Variants in PRKCE observed in about 807,000 individuals in gnomAD.
The protein encoded by PRKCE is protein kinase C epsilon type.
A neutral mutation model predicts 85.4 loss-of-function variants in PRKCE; 16 were observed. The ratio of observed to expected loss-of-function variants is 0.19; its 90% CI spans 0.13 to 0.28. The LOEUF (loss-of-function observed/expected upper bound fraction) is 0.28. PRKCE is among the 10% of genes least tolerant of loss of function. The probability of loss-of-function intolerance (pLI) is 1.00; values close to 1 mark genes in which losing one functional copy is unlikely to be tolerated. For synonymous variants in PRKCE, 388 were observed against 371.5 expected (o/e 1.04, Z -0.51); for missense variants, 573 against 975.2 (o/e 0.59, Z 5.49).
chr2:45,652,371 T>A lies in PRKCE; in HGVS notation c.271T>A (p.Tyr91Asn). The A allele has an allele frequency of 6.2e-7, 1 of 1,613,444 alleles. No individual in the cohort carries two copies. Among genetic ancestry groups the A allele is most frequent in the Non-Finnish European group, 8.5e-7 (1 of 1,180,032 alleles). ...TGTCTTTCACGATGCCCCCATAGGCTACGACGACTTCGTGGCCAACTGCAC... is the reference window on the plus strand; with the variant it reads ...TGTCTTTCACGATGCCCCCATAGGCAACGACGACTTCGTGGCCAACTGCAC... Reference protein sequence around the residue: ...LAVFHDAPIGYDDFVANCTIQ... With the variant: ...LAVFHDAPIGNDDFVANCTIQ... The change falls in exon 1 of 15, where the codon TAC (tyrosine) becomes AAC (asparagine). Residue 91 changes from tyrosine (Y) to asparagine (N), a missense_variant. This residue lies in a region of PRKCE where 100 missense variants were observed against 177.1 expected (regional missense o/e 0.56). Transcript: ENST00000306156. This position sits in a 1 kb window ranked among gnomAD's most constrained non-coding sequence, Gnocchi z 7.7.
intron 2 of PRKCE, among the ~76,000 whole-genome samples, chr2:45,875,743 T>A (rs1473002011): frequency 6.6e-6 from 1 of 152,204 alleles, no homozygotes; most frequent in Non-Finnish European, 1.5e-5. Flanking sequence ...CACACAAATG[T>A]CAACTAATCT....
intron 1 of PRKCE, among the ~76,000 whole-genome samples, chr2:45,671,944 C>G (rs1676182050): frequency 2.0e-5 from 3 of 151,678 alleles, no homozygotes. Context: ...GCACCTGTGG[C>G]CCCGGCTACT....
At chr2:45,874,924 G>A (rs1351181121) in intron 2 of PRKCE, among the ~76,000 whole-genome samples, 1 of 152,070 alleles carries the variant, frequency 6.6e-6, no homozygotes, top group Non-Finnish European at 1.5e-5. Context: ...CGTCTATTTG[G>A]CCTACATTCC....
chr2:45,762,157 A>T (rs1052559964), intron 1 of PRKCE, among the ~76,000 whole-genome samples: 1 of 152,208 alleles, frequency 6.6e-6, no homozygotes, highest in African/African-American at 2.4e-5. Context: ...ACTCTCATCA[A>T]TGGAAGAGAA....
chr2:45,858,860 G>A (rs1692903048), intron 2 of PRKCE, among the ~76,000 whole-genome samples: 1 of 151,888 alleles, frequency 6.6e-6, no homozygotes, highest in South Asian at 2.1e-4. Context: ...GGCCAACATG[G>A]TGAAACCCCA....
chr2:46,047,535 C>G (rs1417664566), intron 10 of PRKCE, among the ~76,000 whole-genome samples: 1 of 152,172 alleles, frequency 6.6e-6, no homozygotes, highest in African/African-American at 2.4e-5. Context: ...TTGGCACATC[C>G]TGTGTAACTT....
At chr2:45,713,519 C>T (rs1252051091) in intron 1 of PRKCE, among the ~76,000 whole-genome samples, 1 of 151,982 alleles carries the variant, frequency 6.6e-6, no homozygotes, top group Non-Finnish European at 1.5e-5. Context: ...AGTATATGAA[C>T]ATCCGGACCA....
intron 1 of PRKCE, among the ~76,000 whole-genome samples, chr2:45,679,735 G>A (rs1161585454): frequency 3.3e-5 from 5 of 152,108 alleles, no homozygotes; most frequent in African/African-American, 1.2e-4. Flanking sequence ...TGTAGTCTGC[G>A]GGTGTATGTG....
chr2:45,759,385 C>T (rs1346904685), intron 1 of PRKCE, among the ~76,000 whole-genome samples: 3 of 152,194 alleles, frequency 2.0e-5, no homozygotes, highest in Non-Finnish European at 4.4e-5. Context: ...AGGAGCCAGC[C>T]AGATGGCTCC....
chr2:45,817,528 A>C (rs760734347), intron 1 of PRKCE, among the ~76,000 whole-genome samples: 128 of 88,072 alleles, frequency 1.5e-3, no homozygotes, highest in South Asian at 6.2e-3. Context: ...CCCGTCTCTA[A>C]TAAAAATACA....
chr2:45,681,288 C>CAAAAAAAAAAAA (rs10532828), intron 1 of PRKCE, among the ~76,000 whole-genome samples: 1 of 61,774 alleles, frequency 1.6e-5, no homozygotes, highest in African/African-American at 7.7e-5. Context: ...GACTCTGTCT[C>CAAAAAAAAAAAA]AAAAAAAAAA....
In PRKCE at chr2:46,171,240, C is replaced by G. The variant is rs563401065; in HGVS notation, c.2067+11488C>G. 3.3e-5 allele frequency among the ~76,000 whole-genome samples: 5 copies of G among 152,294 alleles called. No individual in the cohort carries two copies. In the East Asian group the frequency reaches 9.6e-4, roughly 29 times the overall value. ...CTGTCTCCTCCTAAGGCTCTTTATT[C>G]CTGGATAGCCACACAGCATTTTCTA... On this transcript the variant is annotated intron_variant, in intron 14 of 14. Transcript: ENST00000306156.
At chr2:46,095,305 C>G (rs1366357180) in intron 11 of PRKCE, among the ~76,000 whole-genome samples, 1 of 152,158 alleles carries the variant, frequency 6.6e-6, no homozygotes, top group Admixed American at 6.5e-5. Flanking sequence ...TCGCAGGAAC[C>G]AAGTGAAGCC....
intron 1 of PRKCE, among the ~76,000 whole-genome samples, chr2:45,734,398 A>C (rs1205822317): frequency 2.0e-5 from 3 of 152,042 alleles, no homozygotes; most frequent in African/African-American, 7.2e-5. Flanking sequence ...TCTGAAATTC[A>C]GTTCCATGTC....
intron 1 of PRKCE, chr2:45,685,446 T>C (rs1438310461): frequency 6.6e-6 from 1 of 152,208 alleles, no homozygotes; most frequent in Non-Finnish European, 1.5e-5. Flanking sequence ...AGAGATTCAA[T>C]TGCTGTTATT....
chr2:45,877,333 C>G (rs1465420520), intron 2 of PRKCE, among the ~76,000 whole-genome samples: 3 of 152,090 alleles, frequency 2.0e-5, no homozygotes, highest in Admixed American at 2.0e-4. Context: ...GTTCAGTGGA[C>G]TTTTAAACTT....
chr2:45,976,129 CAGCTGTAGCCTGTGTGGGGAGGA>C (rs1225733813), intron 2 of PRKCE, among the ~76,000 whole-genome samples: 6 of 152,204 alleles, frequency 3.9e-5, no homozygotes, highest in African/African-American at 1.4e-4. Context: ...CCCTTGAAAC[CAGCTGTAGCCTGTGTGGGGAGGA>C]AAGGGCAGCC....
At chr2:46,178,252 C>T (rs865886038) in intron 14 of PRKCE, among the ~76,000 whole-genome samples, 2 of 152,314 alleles carry the variant, frequency 1.3e-5, no homozygotes, top group Middle Eastern at 3.4e-3. Flanking sequence ...AAGAGCGAAA[C>T]TCTGTCTCAA....
At position 46,184,867 on chromosome 2, in the gene PRKCE, G is replaced by C. The variant is rs1484553222; in HGVS notation, c.2200G>C (p.Asp734His). Residue 734 changes from aspartate to histidine, a missense_variant, in exon 15 of 15, where the codon GAC becomes CAC. Physicochemically the swap from Asp to His is moderately conservative, Grantham distance 81. Coordinates refer to ENST00000306156, the MANE Select transcript of PRKCE (RefSeq NM_005400.3). The surrounding 1 kb of genome is among the most constrained non-coding windows in gnomAD (Gnocchi z 5.0). ...EFKGFSYFGE[D>H]LMP ...CAAAGGTTTCTCCTACTTTGGTGAA[G>C]ACCTGATGCCCTGAGAGCCCACTGC... The C allele has an allele frequency of 6.3e-7, 1 of 1,599,802 alleles. No homozygotes were observed. The highest frequency in any genetic ancestry group is 1.7e-5 in the Admixed American group (1 of 60,024).
Sources: gnomAD v4.1 joint callset for allele counts (sites outside exome capture counted in the v4.1 genomes callset) on GRCh38, gnomAD v4.1.1 for gene constraint, gnomAD v4.1.1 regional missense constraint, Gnocchi (gnomAD v3.1) non-coding constraint, MANE v1.5 for transcripts, NCBI Gene and HGNC (gene_info 2026-07-23, HGNC 2026-07-21) for gene names.